TNFSF4: variants seen among roughly 807,000 people sequenced by gnomAD.
TNFSF4 encodes the protein TNF superfamily member 4, also known as tumor necrosis factor ligand superfamily member 4.
Under a neutral mutation model 7.3 loss-of-function variants are expected in TNFSF4, and 4 were observed. That is an observed-to-expected ratio of 0.55 (90% CI 0.27 to 1.25). The LOEUF (loss-of-function observed/expected upper bound fraction) is 1.25, where lower values mean the gene tolerates loss of function less well. Among genes scored for constraint, TNFSF4 ranks in the 50% most tolerant of loss-of-function variants. TNFSF4 has a pLI of 0.12. For missense variants in TNFSF4, 181 were observed against 208.8 expected, an observed-to-expected ratio of 0.87 and a Z score of 0.82; for synonymous variants, 76 against 83.7, an observed-to-expected ratio of 0.91 and a Z score of 0.50.
the TNFSF4 span, among the ~76,000 whole-genome samples, chr1:173,242,559 C>G: frequency 1.3e-5 from 2 of 152,092 alleles, no homozygotes; most frequent in Admixed American, 6.5e-5. Flanking sequence ...CTCACATGGT[C>G]AAGGGATTTT....
At chr1:173,242,610 G>T in the TNFSF4 span, among the ~76,000 whole-genome samples, 1 of 152,154 alleles carries the variant, frequency 6.6e-6, no homozygotes, top group South Asian at 2.1e-4. Flanking sequence ...GATTAGGGGG[G>T]ATTATCCAGG....
the TNFSF4 span, among the ~76,000 whole-genome samples, chr1:173,242,157 T>C: frequency 1.3e-5 from 2 of 151,864 alleles, no homozygotes; most frequent in South Asian, 4.2e-4. Flanking sequence ...GAGATTAGAG[T>C]GTTATAAGTG....
chr1:173,401,899 G>A, the TNFSF4 span, among the ~76,000 whole-genome samples: 1 of 152,182 alleles, frequency 6.6e-6, no homozygotes, highest in South Asian at 2.1e-4. Flanking sequence ...ATCTTATATG[G>A]GCAATGGTTT....
the TNFSF4 span, among the ~76,000 whole-genome samples, chr1:173,433,537 A>T: frequency 7.4e-6 from 1 of 134,342 alleles, no homozygotes; most frequent in Non-Finnish European, 1.6e-5. Flanking sequence ...TCTACAAAAA[A>T]TACAAAAAAA....
the TNFSF4 span, among the ~76,000 whole-genome samples, chr1:173,422,545 G>C: frequency 6.6e-6 from 1 of 152,096 alleles, no homozygotes; most frequent in Non-Finnish European, 1.5e-5. Flanking sequence ...GGCCAGTCTA[G>C]GAGGTCAAAA....
chr1:173,259,786 G>T, the TNFSF4 span, among the ~76,000 whole-genome samples: 1 of 152,094 alleles, frequency 6.6e-6, no homozygotes, highest in Non-Finnish European at 1.5e-5. Flanking sequence ...AGGCAGATAA[G>T]ATTAGAGAAA....
At chr1:173,384,982 G>C in the TNFSF4 span, among the ~76,000 whole-genome samples, 4 of 152,162 alleles carry the variant, frequency 2.6e-5, no homozygotes, top group African/African-American at 9.7e-5. Flanking sequence ...CATCATAAAT[G>C]ATATAACTCA....
the TNFSF4 span, among the ~76,000 whole-genome samples, chr1:173,366,184 G>T: frequency 6.6e-6 from 1 of 152,154 alleles, no homozygotes; most frequent in African/African-American, 2.4e-5. Context: ...CCCCATGTTT[G>T]TTGCAGCACC....
the TNFSF4 span, among the ~76,000 whole-genome samples, chr1:173,312,183 A>T: frequency 1.3e-5 from 2 of 152,124 alleles, no homozygotes; most frequent in South Asian, 4.1e-4. Flanking sequence ...TGTCTTCAGA[A>T]ATATACAGAT....
At chr1:173,436,688 G>A in the TNFSF4 span, among the ~76,000 whole-genome samples, 1 of 152,166 alleles carries the variant, frequency 6.6e-6, no homozygotes, top group Non-Finnish European at 1.5e-5. Context: ...GATTACAGGT[G>A]TGAGCCACTG....
At chr1:173,326,437 T>C in the TNFSF4 span, among the ~76,000 whole-genome samples, 1 of 152,148 alleles carries the variant, frequency 6.6e-6, no homozygotes, top group Non-Finnish European at 1.5e-5. Context: ...ACTGGAACCA[T>C]TCCCTTTGAA....
At chr1:173,431,077 C>G in the TNFSF4 span, among the ~76,000 whole-genome samples, 1 of 152,166 alleles carries the variant, frequency 6.6e-6, no homozygotes, top group Non-Finnish European at 1.5e-5. Flanking sequence ...TCCAGTTTTC[C>G]TCATTGCCAT....
Position 173,184,854 on chromosome 1 carries a change from G to A in TNFSF4, c.*1662C>T, listed in dbSNP as rs1307036343. 1 of 149,832 alleles carries A rather than the reference G, an allele frequency of 6.7e-6. No individual in the cohort carries two copies. Among genetic ancestry groups the A allele is most frequent in the African/African-American group, 2.5e-5 (1 of 40,226 alleles). The allele number at this position is 149,832 out of a possible 1,614,324, so 9.3% of individuals were successfully genotyped here. On this transcript the variant is annotated 3_prime_UTR_variant, in exon 3 of 3. Coordinates refer to ENST00000281834, the MANE Select transcript of TNFSF4 (RefSeq NM_003326.5). ...AGGCCCTCCATAAATATTTAGCCAT[G>A]ATTATGATTCTGTGAGTGCCTTGGC...
chr1:173,422,211 ACATTACCAATGGC>A, the TNFSF4 span, among the ~76,000 whole-genome samples: 2,658 of 152,086 alleles, frequency 0.017, 71 homozygotes, highest in African/African-American at 0.061. Context: ...ACACCTAGAG[ACATTACCAATGGC>A]CATTACCAAT....
the TNFSF4 span, among the ~76,000 whole-genome samples, chr1:173,306,040 A>C: frequency 5.3e-5 from 8 of 151,832 alleles, no homozygotes; most frequent in Non-Finnish European, 1.0e-4. Context: ...ATGTTAATCT[A>C]CTCCAACATG....
the TNFSF4 span, among the ~76,000 whole-genome samples, chr1:173,264,571 TTGTGC>T: frequency 6.6e-6 from 1 of 152,232 alleles, no homozygotes; most frequent in Non-Finnish European, 1.5e-5. Context: ...TAGAGGCTAC[TTGTGC>T]AAATGGTCTG....
At chr1:173,448,120 A>T in the TNFSF4 span, among the ~76,000 whole-genome samples, 18 of 152,208 alleles carry the variant, frequency 1.2e-4, no homozygotes, top group Non-Finnish European at 2.1e-4. Flanking sequence ...AGTTCCAAAA[A>T]CTTAAAACAG....
At chr1:173,251,397 G>C in the TNFSF4 span, among the ~76,000 whole-genome samples, 13,008 of 152,278 alleles carry the variant, frequency 0.085, 640 homozygotes, top group Middle Eastern at 0.12. Context: ...TGAGCCCCTT[G>C]ATAGCAGAGA....
chr1:173,286,270 T>C, the TNFSF4 span, among the ~76,000 whole-genome samples: 2 of 152,168 alleles, frequency 1.3e-5, no homozygotes, highest in Non-Finnish European at 2.9e-5. Flanking sequence ...TTCTAAAATG[T>C]ATATAGAAAT....
Sources: gnomAD v4.1 joint callset for allele counts (sites outside exome capture counted in the v4.1 genomes callset) on GRCh38, gnomAD v4.1.1 for gene constraint, MANE v1.5 for transcripts, NCBI Gene and HGNC (gene_info 2026-07-23, HGNC 2026-07-21) for gene names.